The following KHDC1 variants were observed in gnomAD, a reference collection of about 807,000 sequenced individuals.
KHDC1 encodes the protein KH domain containing 1.
In KHDC1, 21 loss-of-function variants were observed where a neutral mutation model predicts 24.7. The ratio of observed to expected loss-of-function variants is 0.85; its 90% CI spans 0.60 to 1.23. KHDC1 has a LOEUF of 1.23. Ranked by LOEUF, KHDC1 falls within the 50% of genes most tolerant of loss-of-function variation. KHDC1 has a pLI of 0.00. For missense variants in KHDC1, 274 were observed against 298.5 expected (o/e 0.92, Z 0.61); for synonymous variants, 98 against 111.7 (o/e 0.88, Z 0.77).
chr6:73,252,816 C>CA (rs202060782), intron 2 of KHDC1, among the ~76,000 whole-genome samples: 9,181 of 132,450 alleles, frequency 0.069, 915 homozygotes, highest in African/African-American at 0.23. Flanking sequence ...GACTCTACCT[C>CA]AAAAAAAAAA....
chr6:73,243,739 G>C (rs927829787), intron 2 of KHDC1, among the ~76,000 whole-genome samples: 11 of 152,214 alleles, frequency 7.2e-5, no homozygotes, highest in Non-Finnish European at 1.2e-4. Flanking sequence ...CCACAAAACT[G>C]TTCTGCCTGA....
intron 2 of KHDC1, among the ~76,000 whole-genome samples, chr6:73,284,361 G>A (rs1299402307): frequency 6.6e-6 from 1 of 152,176 alleles, no homozygotes; most frequent in African/African-American, 2.4e-5. Context: ...TCTGGCAACT[G>A]ACATACCCTA....
At chr6:73,245,682 C>T (rs780863927) in intron 2 of KHDC1, among the ~76,000 whole-genome samples, 1 of 152,066 alleles carries the variant, frequency 6.6e-6, no homozygotes, top group African/African-American at 2.4e-5. Flanking sequence ...TTTGGTACAG[C>T]AAGTGTGTTT....
intron 2 of KHDC1, among the ~76,000 whole-genome samples, chr6:73,271,379 T>C (rs1767176723): frequency 6.6e-6 from 1 of 151,478 alleles, no homozygotes; most frequent in Non-Finnish European, 1.5e-5. Context: ...CTGGCTAATT[T>C]TGTATTTTTA....
intron 2 of KHDC1, among the ~76,000 whole-genome samples, chr6:73,285,629 C>T (rs35879937): frequency 0.04 from 6,006 of 151,148 alleles, 157 homozygotes; most frequent in South Asian, 0.062. Flanking sequence ...TCACTGTGCC[C>T]GGCCCATTTT....
At position 73,242,388 on chromosome 6, in the gene KHDC1, T is replaced by C. The variant is rs753685986; in HGVS notation, c.331+18A>G. ...GAAGACAAGGATGAAGAAGGGGACG[T>C]GGGCAAAGGCCACTCACCGAAGATG... On this transcript the variant is annotated intron_variant, in intron 3 of 4. Transcript: ENST00000370384. 5.0e-6 allele frequency: 8 copies of C among 1,613,868 alleles called. No homozygotes were observed. The African/African-American group carries it at 8.0e-5, about 16-fold the overall frequency.
intron 1 of KHDC1, chr6:73,292,124 A>G: frequency 1.9e-6 from 3 of 1,586,318 alleles, no homozygotes; most frequent in Non-Finnish European, 2.6e-6. Context: ...AGACTTTGCT[A>G]TGGATGCATA....
intron 1 of KHDC1, among the ~76,000 whole-genome samples, chr6:73,303,508 G>A (rs1767912572): frequency 1.3e-5 from 2 of 152,186 alleles, no homozygotes; most frequent in South Asian, 4.1e-4. Flanking sequence ...AGAACCACAA[G>A]TTTTCAGTAA....
Position 73,263,072 on chromosome 6 carries a change from C to A in KHDC1, c.207-20542G>T, listed in dbSNP as rs528041452. 20 of 1,004,862 alleles carry A rather than the reference C, an allele frequency of 2.0e-5. No individual in the cohort carries two copies. In the African/African-American group the frequency reaches 2.9e-4, roughly 15 times the overall value. The allele number at this position is 1,004,862 out of a possible 1,614,324, so 62.2% of individuals were successfully genotyped here. On this transcript the variant is annotated intron_variant, in intron 2 of 4. Coordinates refer to ENST00000370384, the Ensembl canonical transcript of KHDC1. ...GCGGCGGCGGCGGCGGCGGCGGCAG[C>A]GGCGGCAGCGGCTGCAGGCCTGGCC...
intron 2 of KHDC1, among the ~76,000 whole-genome samples, chr6:73,287,364 A>C (rs900370684): frequency 6.6e-6 from 1 of 152,224 alleles, no homozygotes; most frequent in Non-Finnish European, 1.5e-5. Context: ...AGTCAGCTTC[A>C]CAGAGGGACC....
At chr6:73,272,862 C>T (rs199711403) in intron 2 of KHDC1, among the ~76,000 whole-genome samples, 18,756 of 108,344 alleles carry the variant, frequency 0.17, 1,573 homozygotes, top group African/African-American at 0.24. Context: ...TTTTCTTTTT[C>T]TTTTTTTTTT....
rs768707302 is a variant in KHDC1, at chr6:73,241,705, G to A, written c.538C>T (p.Arg180Ter). Residue 180 changes from arginine to a stop codon, truncating the protein, a stop_gained, in exon 5 of 5, where the codon CGA becomes TGA. Transcript: ENST00000370384. LOFTEE classifies it low-confidence loss of function (END_TRUNC). ...TCATCGTTGGTCAGAGGCTGGCTTC[G>A]GACACGTTCCAGCATCTCCAGGCCT... The A allele has an allele frequency of 1.4e-5, 23 of 1,614,152 alleles. No individual in the cohort carries two copies. Among genetic ancestry groups the A allele is most frequent in the East Asian group, 8.9e-5 (4 of 44,882 alleles).
intron 2 of KHDC1, among the ~76,000 whole-genome samples, chr6:73,289,341 A>T: frequency 9.4e-6 from 1 of 105,850 alleles, no homozygotes; most frequent in South Asian, 2.5e-4. Flanking sequence ...CTCAAAAAAA[A>T]AAAAAAAAAA....
intron 2 of KHDC1, chr6:73,284,590 AT>A (rs1477705183): frequency 6.6e-6 from 1 of 152,084 alleles, no homozygotes; most frequent in Non-Finnish European, 1.5e-5. Context: ...CTGGCCTTGC[AT>A]TAATTAAATT....
At chr6:73,249,603 C>T (rs945637402) in intron 2 of KHDC1, among the ~76,000 whole-genome samples, 16 of 152,102 alleles carry the variant, frequency 1.1e-4, no homozygotes, top group African/African-American at 3.1e-4. Flanking sequence ...TCATGGGAAG[C>T]GCACACACAC....
chr6:73,274,611 CG>C (rs1158567382), intron 2 of KHDC1: 1 of 152,236 alleles, frequency 6.6e-6, no homozygotes, highest in African/African-American at 2.4e-5. Context: ...CCCCTACTGG[CG>C]CTCATTCATT....
intron 1 of KHDC1, chr6:73,292,152 A>T: frequency 3.9e-6 from 6 of 1,555,280 alleles, no homozygotes; most frequent in Non-Finnish European, 5.3e-6. Context: ...CTTTATTCTG[A>T]TGATATTCCT....
At chr6:73,286,082 C>A (rs559487171) in intron 2 of KHDC1, among the ~76,000 whole-genome samples, 12 of 152,310 alleles carry the variant, frequency 7.9e-5, no homozygotes, top group African/African-American at 2.9e-4. Flanking sequence ...CTCCGCAAGG[C>A]AAGACTTAGA....
At chr6:73,257,704 G>C (rs1325117992) in intron 2 of KHDC1, among the ~76,000 whole-genome samples, 1 of 151,796 alleles carries the variant, frequency 6.6e-6, no homozygotes, top group Non-Finnish European at 1.5e-5. Context: ...GCCCTTTTTG[G>C]TTCTTGATTA....
Sources: gnomAD v4.1 joint callset for allele counts (sites outside exome capture counted in the v4.1 genomes callset) on GRCh38, gnomAD v4.1.1 for gene constraint, MANE v1.5 for transcripts, NCBI Gene and HGNC (gene_info 2026-07-23, HGNC 2026-07-21) for gene names.